KATNAL2: variants seen among roughly 807,000 people sequenced by gnomAD.
KATNAL2 encodes the protein katanin p60 ATPase-containing subunit A-like 2.
Under a neutral mutation model 76.3 loss-of-function variants are expected in KATNAL2, and 52 were observed. The observed-to-expected ratio is 0.68, with a 90% CI of 0.55 to 0.86. The LOEUF is 0.86. KATNAL2 is among the 40% of genes least tolerant of loss of function. KATNAL2 has a pLI of 0.00. For synonymous variants in KATNAL2, 243 were observed against 244.2 expected (o/e 1.00, Z 0.05); for missense variants, 660 against 668.9 (o/e 0.99, Z 0.15).
intron 4 of KATNAL2, among the ~76,000 whole-genome samples, chr18:47,051,871 C>G (rs2061348964): frequency 6.6e-6 from 1 of 152,020 alleles, no homozygotes; most frequent in Admixed American, 6.6e-5. Flanking sequence ...TTGAAAGCAG[C>G]CTGGGCATCA....
chr18:47,034,324 T>C (rs1176450229), intron 3 of KATNAL2: 1 of 1,612,770 alleles, frequency 6.2e-7, no homozygotes, highest in Admixed American at 1.7e-5. Context: ...CCTCTTCTTG[T>C]TCGAGTGACT....
At chr18:47,074,050 T>G (rs570974874) in intron 13 of KATNAL2, among the ~76,000 whole-genome samples, 5 of 152,352 alleles carry the variant, frequency 3.3e-5, no homozygotes, top group Admixed American at 3.3e-4. Context: ...GTAATCACCC[T>G]TAATATCAGG....
chr18:47,081,500 T>G (rs2062519094), intron 15 of KATNAL2, among the ~76,000 whole-genome samples: 1 of 152,226 alleles, frequency 6.6e-6, no homozygotes, highest in Non-Finnish European at 1.5e-5. Flanking sequence ...ATTTTACACT[T>G]ACATCACACC....
intron 3 of KATNAL2, among the ~76,000 whole-genome samples, chr18:46,948,238 G>A (rs1217708224): frequency 3.3e-5 from 5 of 152,096 alleles, no homozygotes; most frequent in Non-Finnish European, 2.9e-5. Context: ...AGCCTCCCGA[G>A]TAGCTGGGAC....
intron 3 of KATNAL2, among the ~76,000 whole-genome samples, chr18:46,956,478 T>C (rs956270088): frequency 5.3e-5 from 8 of 152,334 alleles, no homozygotes; most frequent in African/African-American, 1.7e-4. Flanking sequence ...TTCTTTAGGA[T>C]CTAAATTTGT....
rs193019460 is a variant in KATNAL2, at chr18:46,961,597, A to C, written c.51+14674A>C. Among the ~76,000 whole-genome samples the C allele has an allele frequency of 3.6e-3, 546 of 152,346 alleles. 3 individuals are homozygous for C. The highest frequency in any genetic ancestry group is 6.0e-3 in the Non-Finnish European group (409 of 68,036). On this transcript the variant is annotated intron_variant, in intron 3 of 17. Coordinates refer to ENST00000683218, the MANE Select transcript of KATNAL2 (RefSeq NM_001387690.1). The stretch of plus-strand genomic sequence containing the variant: ...TCCCCTAGCTGAAAGACATTTTTCA[A>C]ATACAGACATAGGATTAAACCTCTG...
intron 15 of KATNAL2, among the ~76,000 whole-genome samples, chr18:47,087,757 T>TGTGTGTGTGTGC (rs1034014185): frequency 1.5e-5 from 2 of 137,820 alleles, no homozygotes. Flanking sequence ...TACATCTGTG[T>TGTGTGTGTGTGC]GTGTGTGTGT....
chr18:46,931,139 T>TAA lies in KATNAL2; in HGVS notation c.-510+13215_-510+13216dup, dbSNP rs1555824546. On this transcript the variant is annotated intron_variant, in intron 1 of 17. Coordinates refer to ENST00000683218, the MANE Select transcript of KATNAL2 (RefSeq NM_001387690.1). ...ATAATAATAATAATAATAATAATAA[T>TAA]AAATAAATAAATTAGCCAGGCGTGG... Among the ~76,000 whole-genome samples the TAA allele has an allele frequency of 2.4e-5, 3 of 122,792 alleles. No homozygotes were observed. The East Asian group carries it at 7.9e-4, about 32-fold the overall frequency. The allele number at this position is 122,792 out of a possible 152,430, so 80.6% of individuals were successfully genotyped here. A position where few individuals can be genotyped will look rare whatever the true frequency, so the allele number is the denominator to read the frequency against.
intron 3 of KATNAL2, among the ~76,000 whole-genome samples, chr18:47,039,660 C>T (rs1185441144): frequency 6.6e-6 from 1 of 152,204 alleles, no homozygotes; most frequent in Non-Finnish European, 1.5e-5. Flanking sequence ...GAGGAGCACA[C>T]AGAACACTAG....
intron 10 of KATNAL2, among the ~76,000 whole-genome samples, chr18:47,063,728 A>G (rs117029983): frequency 4.6e-3 from 702 of 152,300 alleles, no homozygotes; most frequent in South Asian, 0.012. Context: ...GAGCCTAGAA[A>G]TAGAGACGTC....
chr18:47,035,550 C>A (rs1029216885), intron 3 of KATNAL2: 3 of 635,512 alleles, frequency 4.7e-6, no homozygotes, highest in Non-Finnish European at 8.2e-6. Context: ...AAGAATGAAG[C>A]TCTGGTGCCA....
chr18:47,039,064 T>C (rs1192232665), intron 3 of KATNAL2, among the ~76,000 whole-genome samples: 2 of 152,202 alleles, frequency 1.3e-5, no homozygotes, highest in African/African-American at 2.4e-5. Flanking sequence ...CCAGTTCTTT[T>C]ACCCCCATCA....
chr18:47,075,225 G>A, intron 13 of KATNAL2, 52 bp from the exon 14 acceptor site: 2 of 1,421,620 alleles, frequency 1.4e-6, no homozygotes, highest in East Asian at 2.7e-5. Context: ...GGGAGCATCT[G>A]AGGACTTTAA....
At chr18:46,935,856 C>T (rs1440646451) in intron 1 of KATNAL2, among the ~76,000 whole-genome samples, 1 of 152,010 alleles carries the variant, frequency 6.6e-6, no homozygotes. Flanking sequence ...GCAGAGGTTG[C>T]AGTGAGCTGA....
intron 1 of KATNAL2, among the ~76,000 whole-genome samples, chr18:46,945,173 G>A (rs2059351903): frequency 6.6e-6 from 1 of 152,080 alleles, no homozygotes; most frequent in Non-Finnish European, 1.5e-5. Context: ...AATGAGTTAG[G>A]CAAAATCATT....
At chr18:47,080,943 T>C (rs12960444) in intron 15 of KATNAL2, among the ~76,000 whole-genome samples, 66,080 of 151,842 alleles carry the variant, frequency 0.44, 14,573 homozygotes, top group Middle Eastern at 0.56. Flanking sequence ...ATTGGATATA[T>C]GATTTGTAAA....
chr18:47,098,988 C>T (rs1207054549), intron 15 of KATNAL2: 1 of 353,202 alleles, frequency 2.8e-6, no homozygotes, highest in South Asian at 8.2e-5. Flanking sequence ...TTCTTCCATT[C>T]ATCCTTCCTT....
intron 3 of KATNAL2, chr18:47,034,445 T>A (rs747379397): frequency 1.9e-6 from 3 of 1,614,162 alleles, no homozygotes; most frequent in South Asian, 1.1e-5. Flanking sequence ...GAAGGCTGCC[T>A]GTCCCTGGCA....
intron 1 of KATNAL2, among the ~76,000 whole-genome samples, chr18:46,932,023 A>G (rs2058939948): frequency 6.6e-6 from 1 of 150,586 alleles, no homozygotes; most frequent in Non-Finnish European, 1.5e-5. Flanking sequence ...TGATTCTCCC[A>G]CCTCAGCCTC....
Sources: gnomAD v4.1 joint callset for allele counts (sites outside exome capture counted in the v4.1 genomes callset) on GRCh38, gnomAD v4.1.1 for gene constraint, MANE v1.5 for transcripts, NCBI Gene and HGNC (gene_info 2026-07-23, HGNC 2026-07-21) for gene names.